The following DOK6 variants were observed in gnomAD, a reference collection of about 807,000 sequenced individuals.
The protein encoded by DOK6 is docking protein 6.
In DOK6, 22 loss-of-function variants were observed where a neutral mutation model predicts 44.0. The observed-to-expected ratio is 0.50, with a 90% CI of 0.36 to 0.71. The LOEUF is 0.71. Ranked by LOEUF, DOK6 falls within the 30% of genes least tolerant of loss-of-function variation. The pLI, the probability that DOK6 is intolerant of heterozygous loss-of-function variation, is 0.00. For missense variants in DOK6, 340 were observed against 416.4 expected, an observed-to-expected ratio of 0.82 and a Z score of 1.60; for synonymous variants, 166 against 145.5, an observed-to-expected ratio of 1.14 and a Z score of -1.01.
intron 3 of DOK6, 58 bp from the exon 4 acceptor site, chr18:69,677,676 C>T (rs925665080): frequency 6.2e-7 from 1 of 1,607,166 alleles, no homozygotes; most frequent in Non-Finnish European, 8.5e-7. Flanking sequence ...AGGAAATATT[C>T]TTCTTCCATC....
chr18:69,712,694 T>C (rs951244455), intron 5 of DOK6, among the ~76,000 whole-genome samples: 3 of 151,898 alleles, frequency 2.0e-5, no homozygotes, highest in Admixed American at 6.6e-5. Context: ...TAAAAATACA[T>C]AAGTTAGCCA....
At chr18:69,590,537 T>C (rs8086198) in intron 2 of DOK6, among the ~76,000 whole-genome samples, 116,565 of 152,062 alleles carry the variant, frequency 0.77, 47,538 homozygotes, top group Non-Finnish European at 0.91. Context: ...ACTTAGCTTG[T>C]GTTGAGAGTT....
At chr18:69,447,263 T>G (rs2122451767) in intron 1 of DOK6, among the ~76,000 whole-genome samples, 1 of 152,336 alleles carries the variant, frequency 6.6e-6, no homozygotes, top group East Asian at 1.9e-4. Context: ...AATTTCAGCT[T>G]TCTACATATG....
chr18:69,519,216 G>A (rs1459864786), intron 1 of DOK6, among the ~76,000 whole-genome samples: 2 of 151,960 alleles, frequency 1.3e-5, no homozygotes, highest in East Asian at 3.8e-4. Context: ...CACTAGAATA[G>A]AAAATTGTTT....
intron 3 of DOK6, among the ~76,000 whole-genome samples, chr18:69,665,696 G>A (rs1985639795): frequency 6.6e-6 from 1 of 152,196 alleles, no homozygotes; most frequent in African/African-American, 2.4e-5. Flanking sequence ...CTTTTTTAGA[G>A]AAGTTTTGGA....
At chr18:69,540,713 T>A (rs1172669246) in intron 1 of DOK6, among the ~76,000 whole-genome samples, 1 of 152,004 alleles carries the variant, frequency 6.6e-6, no homozygotes, top group Admixed American at 6.6e-5. Flanking sequence ...AGACTTTTGA[T>A]AATTAATTTT....
At chr18:69,476,287 C>T (rs1196156804) in intron 1 of DOK6, among the ~76,000 whole-genome samples, 1 of 152,102 alleles carries the variant, frequency 6.6e-6, no homozygotes, top group African/African-American at 2.4e-5. Flanking sequence ...TCTGGGTATA[C>T]AGATATATGT....
At chr18:69,458,479 T>C (rs778789998) in intron 1 of DOK6, among the ~76,000 whole-genome samples, 6 of 152,134 alleles carry the variant, frequency 3.9e-5, no homozygotes, top group Non-Finnish European at 7.4e-5. Flanking sequence ...CCTTCGAGGA[T>C]ACAAAGTAAG....
chr18:69,690,141 G>C (rs976434384), intron 4 of DOK6, among the ~76,000 whole-genome samples: 1 of 151,436 alleles, frequency 6.6e-6, no homozygotes, highest in Admixed American at 6.6e-5. Context: ...GTCAATTTTT[G>C]TAAAGCAAAA....
In DOK6 at chr18:69,674,725, T is replaced by C. The variant is rs557869441; in HGVS notation, c.290-3009T>C. Among the ~76,000 whole-genome samples the C allele has an allele frequency of 5.7e-4, 87 of 152,162 alleles. 1 individual carries two copies. Among genetic ancestry groups the C allele is most frequent in the Middle Eastern group, 3.4e-3 (1 of 294 alleles). On this transcript the variant is annotated intron_variant, in intron 3 of 7. Coordinates refer to ENST00000382713, the MANE Select transcript of DOK6 (RefSeq NM_152721.6). ...TCTCTGCTTGCCCTGATACTTTCAC[T>C]CTGCTGAGCCTTTGGCATAGCTCCT... is the stretch of plus-strand genomic sequence containing the variant.
At chr18:69,509,634 T>C (rs2053521) in intron 1 of DOK6, among the ~76,000 whole-genome samples, 12,718 of 91,532 alleles carry the variant, frequency 0.14, 853 homozygotes, top group South Asian at 0.2. Context: ...CTAGGCTCTG[T>C]CTCAAAAAAA....
chr18:69,466,415 C>T (rs1223962374), intron 1 of DOK6, among the ~76,000 whole-genome samples: 2 of 152,064 alleles, frequency 1.3e-5, no homozygotes, highest in East Asian at 3.9e-4. Context: ...GTTCTTTCAT[C>T]AATGAACACA....
chr18:69,494,554 C>T (rs569300346), intron 1 of DOK6, among the ~76,000 whole-genome samples: 3 of 152,254 alleles, frequency 2.0e-5, no homozygotes, highest in Non-Finnish European at 4.4e-5. Context: ...TAGTTAGGCA[C>T]AAGGGAGAAT....
chr18:69,675,075 T>C (rs939381279), intron 3 of DOK6, among the ~76,000 whole-genome samples: 2 of 152,214 alleles, frequency 1.3e-5, no homozygotes, highest in Admixed American at 6.5e-5. Flanking sequence ...GCTGAAGCAC[T>C]GTCTGCAAGA....
At chr18:69,766,053 G>T (rs1342030612) in intron 7 of DOK6, among the ~76,000 whole-genome samples, 1 of 152,132 alleles carries the variant, frequency 6.6e-6, no homozygotes, top group African/African-American at 2.4e-5. Flanking sequence ...TCAAGAAATT[G>T]TGGTACATAT....
intron 1 of DOK6, among the ~76,000 whole-genome samples, chr18:69,543,411 G>A (rs1278432656): frequency 5.9e-5 from 9 of 151,530 alleles, no homozygotes; most frequent in Admixed American, 5.9e-4. Flanking sequence ...ACACAAAGGT[G>A]ACTTCACAAA....
At chr18:69,445,910 T>C (rs1052567008) in intron 1 of DOK6, among the ~76,000 whole-genome samples, 1 of 152,148 alleles carries the variant, frequency 6.6e-6, no homozygotes, top group Non-Finnish European at 1.5e-5. Flanking sequence ...TGGTAATATC[T>C]TCTATATTCC....
At chr18:69,718,896 A>G (rs960595397) in intron 5 of DOK6, among the ~76,000 whole-genome samples, 1 of 152,222 alleles carries the variant, frequency 6.6e-6, no homozygotes, top group Non-Finnish European at 1.5e-5. Flanking sequence ...TTCTAACAAA[A>G]GGAAAACTGG....
intron 1 of DOK6, among the ~76,000 whole-genome samples, chr18:69,482,376 A>C (rs1980451927): frequency 1.3e-5 from 2 of 150,560 alleles, no homozygotes; most frequent in Non-Finnish European, 3.0e-5. Flanking sequence ...TTCCAAATGG[A>C]AAATTATCAG....
Sources: gnomAD v4.1 joint callset for allele counts (sites outside exome capture counted in the v4.1 genomes callset) on GRCh38, gnomAD v4.1.1 for gene constraint, MANE v1.5 for transcripts, NCBI Gene and HGNC (gene_info 2026-07-23, HGNC 2026-07-21) for gene names.